Variants in NUP85 observed in about 807,000 individuals in gnomAD.
The protein encoded by NUP85 is nuclear pore complex protein Nup85.
A neutral mutation model predicts 92.8 loss-of-function variants in NUP85; 23 were observed. The observed-to-expected ratio is 0.25, with a 90% CI of 0.18 to 0.35. The LOEUF is 0.35. Among genes scored for constraint, NUP85 ranks in the 10% least tolerant of loss-of-function variants. NUP85 has a pLI of 1.00. For synonymous variants in NUP85, 314 were observed against 306.9 expected (o/e 1.02, Z -0.24); for missense variants, 759 against 822.8 (o/e 0.92, Z 0.95).
At chr17:75,206,276 G>A (rs2075077734) in intron 1 of NUP85, among the ~76,000 whole-genome samples, 1 of 152,104 alleles carries the variant, frequency 6.6e-6, no homozygotes, top group Non-Finnish European at 1.5e-5. Flanking sequence ...TATGTCAACT[G>A]TGGATGATCT....
intron 7 of NUP85, among the ~76,000 whole-genome samples, chr17:75,221,156 A>G (rs990267072): frequency 6.6e-6 from 1 of 151,978 alleles, no homozygotes; most frequent in Non-Finnish European, 1.5e-5. Flanking sequence ...GTGGGTTTAC[A>G]GGCGTGAGCC....
At chr17:75,222,773 C>T (rs1012022285) in intron 7 of NUP85, among the ~76,000 whole-genome samples, 5 of 151,912 alleles carry the variant, frequency 3.3e-5, no homozygotes, top group African/African-American at 4.8e-5. Flanking sequence ...CAGTGGCTCA[C>T]GCCTGTAATC....
In NUP85 at chr17:75,216,022, G is replaced by A. The variant is rs2075421217; in HGVS notation, c.475+199G>A. ...GGTGCTGCAAAAAGAATCATGCAGA[G>A]TGCCTCCAAGAAACCTAAACCCTGA... On this transcript the variant is annotated intron_variant, in intron 6 of 18. Coordinates refer to ENST00000245544, the MANE Select transcript of NUP85 (RefSeq NM_024844.5). 2.0e-5 allele frequency among the ~76,000 whole-genome samples: 3 copies of A among 152,190 alleles called. No individual in the cohort carries two copies. The South Asian group carries it at 6.2e-4, about 31-fold the overall frequency.
At chr17:75,209,264 T>G in intron 2 of NUP85, among the ~76,000 whole-genome samples, 1 of 152,160 alleles carries the variant, frequency 6.6e-6, no homozygotes, top group Admixed American at 6.6e-5. Flanking sequence ...TAGGCTGAGC[T>G]GAGCCGTAGC....
At chr17:75,233,015 G>A (rs1163965107) in intron 15 of NUP85, 43 bp from the exon 16 acceptor site, 4 of 1,612,956 alleles carry the variant, frequency 2.5e-6, no homozygotes, top group East Asian at 2.2e-5. Flanking sequence ...TGGTTGAGGT[G>A]GGCCTGAGAC....
chr17:75,225,312 A>G, intron 8 of NUP85, 30 bp from the exon 9 acceptor site: 1 of 1,613,944 alleles, frequency 6.2e-7, no homozygotes, highest in East Asian at 2.2e-5. Context: ...TGTGGATGGG[A>G]TGACGTCTCA....
intron 3 of NUP85, among the ~76,000 whole-genome samples, 163 bp from the exon 4 acceptor site, chr17:75,211,829 A>G (rs1397382339): frequency 6.6e-6 from 1 of 152,044 alleles, no homozygotes; most frequent in African/African-American, 2.4e-5. Context: ...GTGGCGTTTT[A>G]TTTTGTTGTC....
intron 7 of NUP85, 45 bp downstream of exon 7, chr17:75,218,351 C>A: frequency 6.2e-7 from 1 of 1,608,746 alleles, no homozygotes; most frequent in South Asian, 1.1e-5. Flanking sequence ...GTCCTACTGT[C>A]CCTGGTGCTG....
Position 75,235,135 on chromosome 17 carries a change from G to A in NUP85, c.1803G>A (p.Met601Ile). The change falls in exon 18 of 19, where the codon ATG becomes ATA. Residue 601 changes from methionine to isoleucine, a missense_variant. Physicochemically the swap from Met to Ile is conservative, Grantham distance 10. Coordinates refer to ENST00000245544, the MANE Select transcript of NUP85 (RefSeq NM_024844.5). ...CAGCAGAACAGACTTATGAGTTGATGCGGTGTCTGGAGGACTTGACGTCAA... is the reference window on the plus strand; with the variant it reads ...CAGCAGAACAGACTTATGAGTTGATACGGTGTCTGGAGGACTTGACGTCAA... ...IFSAEQTYEL[M>I]RCLEDLTSRR... The A allele has an allele frequency of 1.9e-6, 3 of 1,614,164 alleles. No individual in the cohort carries two copies. Among genetic ancestry groups the A allele is most frequent in the Admixed American group, 3.3e-5 (2 of 60,024 alleles).
At chr17:75,216,222 C>G (rs1368384260) in intron 6 of NUP85, 1 of 187,582 alleles carries the variant, frequency 5.3e-6, no homozygotes, top group Non-Finnish European at 1.1e-5. Context: ...TGTGTGTTAA[C>G]TCTGCCAATG....
chr17:75,233,637 C>T (rs1037979709), intron 16 of NUP85, among the ~76,000 whole-genome samples: 5 of 151,114 alleles, frequency 3.3e-5, no homozygotes, highest in Non-Finnish European at 7.4e-5. Context: ...CTCACTCTGT[C>T]ACCCGGGCTG....
At chr17:75,210,026 T>C in intron 3 of NUP85, 41 bp downstream of exon 3, 2 of 1,561,886 alleles carry the variant, frequency 1.3e-6, no homozygotes, top group Non-Finnish European at 1.7e-6. Context: ...CACACTACAC[T>C]GTGGAAAGCC....
rs56406015 is a variant in NUP85 at position 75,212,110 on chromosome 17, G to GTGTGTGTGTGTGTGTGTT, written c.361+48_361+49insTGTGTGTGTGTGTGTGTT. 9.6e-6 allele frequency: 10 copies of GTGTGTGTGTGTGTGTGTT among 1,046,574 alleles called. No homozygotes were observed. The African/African-American group carries it at 1.2e-4, about 13-fold the overall frequency. 64.8% of individuals were successfully genotyped at this position (1,046,574 alleles called of 1,614,324 possible). ...CGCGTGTGTGTGTGTGTGTGTGTGT[G>GTGTGTGTGTGTGTGTGTT]GGTATTTTGAGTATTTATCTATGCA... is the stretch of plus-strand genomic sequence containing the variant. On this transcript the variant is annotated intron_variant, in intron 4 of 18. Coordinates refer to ENST00000245544, the MANE Select transcript of NUP85 (RefSeq NM_024844.5).
At position 75,226,252 on chromosome 17, in the gene NUP85, C is replaced by G. The variant is rs1413207766; in HGVS notation, c.1094+95C>G. On this transcript the variant is annotated intron_variant, in intron 11 of 18. Transcript: ENST00000245544. ...AGTGGCCTGTTCCTTCCTTACCCTT[C>G]TTCCCTCAGACCTGCTATCTTAGTC... 6.6e-6 allele frequency: 6 copies of G among 910,486 alleles called. No homozygotes were observed. The African/African-American group carries it at 9.7e-5, about 15-fold the overall frequency. 56.4% of individuals were successfully genotyped at this position (910,486 alleles called of 1,614,324 possible).
At chr17:75,224,895 T>C (rs1341584042) in intron 7 of NUP85, among the ~76,000 whole-genome samples, 1 of 150,630 alleles carries the variant, frequency 6.6e-6, no homozygotes, top group African/African-American at 2.4e-5. Flanking sequence ...AAAAACATAG[T>C]GGAGGTGACA....
At chr17:75,227,003 T>A (rs1568086312) in intron 11 of NUP85, 1 of 241,112 alleles carries the variant, frequency 4.1e-6, no homozygotes, top group African/African-American at 2.2e-5. Flanking sequence ...GTGCCAAACA[T>A]AATCAATCAA....
Position 75,233,114 on chromosome 17 carries a change from A to G in NUP85, c.1571A>G (p.Asn524Ser), listed in dbSNP as rs767852115. ...TTTTCTGATTTGGATCTCATTGACAACCTGGGGCCAGCCATGATGCTCAGT... is the reference window on the plus strand; with the variant it reads ...TTTTCTGATTTGGATCTCATTGACAGCCTGGGGCCAGCCATGATGCTCAGT... ...GCFSDLDLID[N>S]LGPAMMLSDR... Residue 524 changes from asparagine (N) to serine (S), a missense_variant, in exon 16 of 19, where the codon AAC (asparagine) becomes AGC (serine). Transcript: ENST00000245544. The G allele has an allele frequency of 6.2e-7, 1 of 1,613,886 alleles. No individual in the cohort carries two copies. Among genetic ancestry groups the G allele is most frequent in the Admixed American group, 1.7e-5 (1 of 59,962 alleles).
chr17:75,233,667 C>A (rs377464982), intron 16 of NUP85, among the ~76,000 whole-genome samples: 2 of 150,396 alleles, frequency 1.3e-5, no homozygotes, highest in Non-Finnish European at 3.0e-5. Context: ...GGCGTGATCT[C>A]GGCTCACTGC....
chr17:75,231,039 C>T lies in NUP85; in HGVS notation c.1095-301C>T, dbSNP rs2076036381. The T allele has an allele frequency of 2.9e-6, 1 of 342,028 alleles. No individual in the cohort carries two copies. The highest frequency in any genetic ancestry group is 9.6e-4 in the Middle Eastern group (1 of 1,042). The allele number at this position is 342,028 out of a possible 1,614,324, so 21.2% of individuals were successfully genotyped here. ...CTCTGCTTCCCAGGCTCAAGCAATA[C>T]TCCCACCCCAGCTTCTCGAGTAGCT... On this transcript the variant is annotated intron_variant, in intron 11 of 18. Coordinates refer to ENST00000245544, the MANE Select transcript of NUP85 (RefSeq NM_024844.5). The surrounding 1 kb of genome is among the most constrained non-coding windows in gnomAD (Gnocchi z 4.6).
Sources: allele counts gnomAD v4.1 joint callset (sites outside exome capture counted in the v4.1 genomes callset), GRCh38; gene constraint gnomAD v4.1.1; non-coding constraint Gnocchi (gnomAD v3.1); transcripts MANE v1.5; gene names NCBI Gene and HGNC (gene_info 2026-07-23, HGNC 2026-07-21).